Variants in EPB41L4A observed in about 807,000 individuals in gnomAD.
EPB41L4A encodes the protein band 4.1-like protein 4A.
A neutral mutation model predicts 108.6 loss-of-function variants in EPB41L4A; 100 were observed. The observed-to-expected ratio is 0.92, with a 90% CI of 0.78 to 1.09. The LOEUF (loss-of-function observed/expected upper bound fraction) is 1.09, where lower values mean the gene tolerates loss of function less well. Ranked by LOEUF, EPB41L4A falls within the 50% of genes least tolerant of loss-of-function variation. The pLI is 0.00. For missense variants in EPB41L4A, 1,030 were observed against 842.7 expected, an observed-to-expected ratio of 1.22 and a Z score of -2.75; for synonymous variants, 319 against 289.0, an observed-to-expected ratio of 1.10 and a Z score of -1.05.
chr5:112,271,862 G>C (rs1326201035), intron 4 of EPB41L4A, among the ~76,000 whole-genome samples: 1 of 152,124 alleles, frequency 6.6e-6, no homozygotes, highest in Non-Finnish European at 1.5e-5. Flanking sequence ...ATAGGAAGCT[G>C]GCTGATGTGT....
intron 13 of EPB41L4A, among the ~76,000 whole-genome samples, chr5:112,145,297 T>C (rs939029534): frequency 1.3e-5 from 2 of 152,140 alleles, no homozygotes; most frequent in African/African-American, 4.8e-5. Flanking sequence ...AAAGTGTGGT[T>C]CATCTTAATT....
intron 18 of EPB41L4A, chr5:112,175,377 T>C (rs966004373): frequency 6.6e-6 from 1 of 152,240 alleles, no homozygotes; most frequent in Non-Finnish European, 1.5e-5. Flanking sequence ...CTTCCCAATG[T>C]TTTAACAGAG....
At chr5:112,242,429 T>A (rs1471760657) in intron 9 of EPB41L4A, among the ~76,000 whole-genome samples, 2 of 152,244 alleles carry the variant, frequency 1.3e-5, no homozygotes, top group Non-Finnish European at 2.9e-5. Flanking sequence ...AGCAATTAAG[T>A]TATACCATCA....
chr5:112,295,552 C>G (rs887732777), intron 2 of EPB41L4A, among the ~76,000 whole-genome samples: 1 of 152,174 alleles, frequency 6.6e-6, no homozygotes, highest in African/African-American at 2.4e-5. Context: ...TGAAAGGCAC[C>G]TTTCAGCCCT....
At chr5:112,360,305 G>A (rs969545803) in intron 1 of EPB41L4A, among the ~76,000 whole-genome samples, 17 of 152,210 alleles carry the variant, frequency 1.1e-4, no homozygotes, top group African/African-American at 2.2e-4. Flanking sequence ...CCCTTTGCAC[G>A]GTCTCCCTCT....
chr5:112,262,369 C>T, intron 7 of EPB41L4A, 125 bp downstream of exon 7: 2 of 751,860 alleles, frequency 2.7e-6, no homozygotes, highest in Non-Finnish European at 4.5e-6. Context: ...GTTAGAAAAA[C>T]AGATAAAAAA....
At chr5:112,279,350 C>T (rs1196356289) in intron 3 of EPB41L4A, among the ~76,000 whole-genome samples, 1 of 152,122 alleles carries the variant, frequency 6.6e-6, no homozygotes, top group Non-Finnish European at 1.5e-5. Flanking sequence ...AGGAAACAAG[C>T]TGACATGCAC....
chr5:112,264,218 C>G (rs909716052), intron 6 of EPB41L4A: 3 of 151,980 alleles, frequency 2.0e-5, no homozygotes, highest in African/African-American at 7.3e-5. Context: ...AGAATTTAAC[C>G]AAAATAACTA....
At chr5:112,353,539 G>C (rs1199058976) in intron 1 of EPB41L4A, among the ~76,000 whole-genome samples, 4 of 152,182 alleles carry the variant, frequency 2.6e-5, no homozygotes, top group African/African-American at 7.2e-5. Flanking sequence ...CGTTGGTGGG[G>C]GTGGGGATGG....
intron 4 of EPB41L4A, among the ~76,000 whole-genome samples, chr5:112,267,280 T>A (rs1446937764): frequency 6.6e-6 from 1 of 151,992 alleles, no homozygotes; most frequent in Non-Finnish European, 1.5e-5. Context: ...GGTGACTCGA[T>A]GTCACTGGGA....
chr5:112,192,749 G>C (rs1338962086), intron 17 of EPB41L4A, among the ~76,000 whole-genome samples: 1 of 152,114 alleles, frequency 6.6e-6, no homozygotes, highest in Non-Finnish European at 1.5e-5. Flanking sequence ...GTAGCGAATG[G>C]TACTGTGAGC....
In EPB41L4A at chr5:112,206,530, A is replaced by C. The variant is rs750698854; in HGVS notation, c.1179-1026T>G. On this transcript the variant is annotated intron_variant, in intron 13 of 22. Transcript: ENST00000261486. ...AAAACCTCTACAGATTCAATTCCCA[A>C]AGTAAAAGCTTACCTTTTGAAATGA... 5.9e-5 allele frequency among the ~76,000 whole-genome samples: 9 copies of C among 152,334 alleles called. No homozygotes were observed. The East Asian group carries it at 7.7e-4, about 13-fold the overall frequency.
chr5:112,188,693 G>A (rs749796786), intron 17 of EPB41L4A, among the ~76,000 whole-genome samples: 3 of 152,034 alleles, frequency 2.0e-5, no homozygotes, highest in Non-Finnish European at 2.9e-5. Context: ...TCTTCTCTCC[G>A]TACCCAAAAT....
intron 2 of EPB41L4A, among the ~76,000 whole-genome samples, chr5:112,287,159 T>C (rs902829118): frequency 6.6e-6 from 1 of 152,332 alleles, no homozygotes; most frequent in Middle Eastern, 3.4e-3. Context: ...TCCACAGTTA[T>C]AGCCAGACCA....
intron 11 of EPB41L4A, among the ~76,000 whole-genome samples, chr5:112,236,220 G>C (rs113409400): frequency 1.2e-4 from 18 of 152,164 alleles, no homozygotes; most frequent in African/African-American, 3.9e-4. Flanking sequence ...CATATCCTAA[G>C]ATTAATAAGA....
chr5:112,309,454 G>A (rs986678116), intron 1 of EPB41L4A, among the ~76,000 whole-genome samples: 5 of 152,156 alleles, frequency 3.3e-5, no homozygotes, highest in African/African-American at 4.8e-5. Flanking sequence ...ACCAGATGAC[G>A]TGGTAGGTGG....
chr5:112,205,538 T>A, intron 13 of EPB41L4A, 34 bp from the exon 14 acceptor site: 1 of 1,486,810 alleles, frequency 6.7e-7, no homozygotes, highest in Non-Finnish European at 9.2e-7. Flanking sequence ...AGAAATAAAT[T>A]AAGTAGAAAA....
intron 12 of EPB41L4A, among the ~76,000 whole-genome samples, chr5:112,214,520 T>A (rs538945725): frequency 7.9e-5 from 12 of 152,092 alleles, no homozygotes; most frequent in African/African-American, 2.9e-4. Flanking sequence ...TCCCAGCACT[T>A]TGGGAGGCCG....
In EPB41L4A at chr5:112,275,376, AC is replaced by A; in HGVS notation, c.284del (p.Gly95ValfsTer16). On this transcript the variant is annotated frameshift_variant, in exon 4 of 23. Coordinates refer to ENST00000261486, the MANE Select transcript of EPB41L4A (RefSeq NM_022140.5). LOFTEE classifies it high-confidence loss of function. ...ATGGATCTTCAGCATAGAATTTAAT[AC>A]CAAAATACAAAGTATATGGAGGTCC... ...NTGPPYTLYFGIKFYAEDPCK... is the reference protein window; with the variant it reads ...NTGPPYTLYFXIKFYAEDPCK... The A allele has an allele frequency of 6.4e-7, 1 of 1,554,938 alleles. No homozygotes were observed. Among genetic ancestry groups the A allele is most frequent in the Non-Finnish European group, 8.7e-7 (1 of 1,143,786 alleles).
Sources: allele counts gnomAD v4.1 joint callset (sites outside exome capture counted in the v4.1 genomes callset), GRCh38; gene constraint gnomAD v4.1.1; transcripts MANE v1.5; gene names NCBI Gene and HGNC (gene_info 2026-07-23, HGNC 2026-07-21).